Variants in DGKB observed in about 807,000 individuals in gnomAD.
The protein encoded by DGKB is 90 kDa diacylglycerol kinase.
DGKB carries 67 observed loss-of-function variants against 114.3 expected under a neutral mutation model. The observed-to-expected ratio is 0.59, with a 90% CI of 0.48 to 0.72. The LOEUF (loss-of-function observed/expected upper bound fraction) is 0.72. Among genes scored for constraint, DGKB ranks in the 30% least tolerant of loss-of-function variants. DGKB has a pLI of 0.00. For synonymous variants in DGKB, 398 were observed against 323.1 expected (o/e 1.23, Z -2.49); for missense variants, 907 against 975.2 (o/e 0.93, Z 0.93).
chr7:14,617,804 T>G (rs899333882), intron 15 of DGKB, among the ~76,000 whole-genome samples: 1 of 151,606 alleles, frequency 6.6e-6, no homozygotes, highest in Non-Finnish European at 1.5e-5. Context: ...TATATCCAAA[T>G]GACCAACTGC....
At position 14,583,156 on chromosome 7, in the gene DGKB, A is replaced by T. The variant is rs1333656047; in HGVS notation, c.1434-19T>A. 15 of 1,460,254 alleles carry T rather than the reference A, an allele frequency of 1.0e-5. No homozygotes were observed. In the East Asian group the frequency reaches 3.4e-4, roughly 33 times the overall value. The allele number at this position is 1,460,254 out of a possible 1,614,324, so 90.5% of individuals were successfully genotyped here. On this transcript the variant is annotated intron_variant, in intron 17 of 25. Coordinates refer to ENST00000402815, the MANE Select transcript of DGKB (RefSeq NM_001350709.2). ...GTTTAACCTGAAAAATAAGCATGTTATGGCACATGATTAATAGTTTAAAAA... is the reference window on the plus strand; with the variant it reads ...GTTTAACCTGAAAAATAAGCATGTTTTGGCACATGATTAATAGTTTAAAAA...
chr7:14,308,793 G>T (rs1184668784), intron 23 of DGKB, among the ~76,000 whole-genome samples: 2 of 152,146 alleles, frequency 1.3e-5, no homozygotes, highest in Admixed American at 6.5e-5. Flanking sequence ...ATAGAATGAG[G>T]TCTCCTTTGT....
chr7:14,374,755 A>T (rs544291722), intron 21 of DGKB, among the ~76,000 whole-genome samples: 2 of 152,176 alleles, frequency 1.3e-5, no homozygotes, highest in African/African-American at 4.8e-5. Flanking sequence ...TTGGGCAGAT[A>T]CCTCTTTGTT....
intron 1 of DGKB, among the ~76,000 whole-genome samples, chr7:14,941,908 A>G (rs1366992416): frequency 6.6e-6 from 1 of 152,076 alleles, no homozygotes; most frequent in Non-Finnish European, 1.5e-5. Flanking sequence ...AACCTTTAGT[A>G]ACAGTTAATT....
intron 14 of DGKB, among the ~76,000 whole-genome samples, chr7:14,627,224 G>A (rs1054152703): frequency 2.6e-5 from 4 of 152,088 alleles, no homozygotes; most frequent in African/African-American, 9.7e-5. Flanking sequence ...AGTCACCATA[G>A]CTGAGAATAA....
chr7:14,755,636 G>A (rs558647779), intron 3 of DGKB, among the ~76,000 whole-genome samples: 61 of 152,186 alleles, frequency 4.0e-4, no homozygotes, highest in Admixed American at 1.1e-3. Context: ...TATTGTAAGA[G>A]TAATTTTTTA....
intron 2 of DGKB, among the ~76,000 whole-genome samples, chr7:14,832,845 C>A (rs1043061977): frequency 3.3e-5 from 5 of 152,088 alleles, no homozygotes; most frequent in African/African-American, 1.2e-4. Context: ...TGCAAAGGCA[C>A]ACCCATTCTA....
In DGKB at chr7:14,553,061, T is replaced by C. The variant is rs374508668; in HGVS notation, c.1770+21151A>G. On this transcript the variant is annotated intron_variant, in intron 20 of 25. Coordinates refer to ENST00000402815, the MANE Select transcript of DGKB (RefSeq NM_001350709.2). ...ATAAAGTCAAATGTTAAGAAGCAAATGGGAAGAACAATACATGAACCAGAA... is the reference window on the plus strand; with the variant it reads ...ATAAAGTCAAATGTTAAGAAGCAAACGGGAAGAACAATACATGAACCAGAA... 5.9e-5 allele frequency among the ~76,000 whole-genome samples: 9 copies of C among 152,260 alleles called. 1 individual carries two copies. In the East Asian group the frequency reaches 1.2e-3, roughly 20 times the overall value.
intron 15 of DGKB, among the ~76,000 whole-genome samples, chr7:14,619,988 A>G (rs546407141): frequency 1.3e-5 from 2 of 151,662 alleles, no homozygotes; most frequent in South Asian, 2.1e-4. Flanking sequence ...AGGAACCCAG[A>G]GTAGCTGAAG....
intron 1 of DGKB, among the ~76,000 whole-genome samples, chr7:14,893,280 T>C (rs1351904906): frequency 6.6e-6 from 1 of 151,282 alleles, no homozygotes; most frequent in Non-Finnish European, 1.5e-5. Flanking sequence ...AATGAGTATG[T>C]TTTAGTTCTC....
chr7:14,359,619 A>G (rs1358480537), intron 21 of DGKB, among the ~76,000 whole-genome samples: 3 of 152,216 alleles, frequency 2.0e-5, no homozygotes, highest in Non-Finnish European at 2.9e-5. Flanking sequence ...GAAATTTTCA[A>G]GATAAAAAGC....
At chr7:14,500,428 G>A (rs1785976526) in intron 20 of DGKB, among the ~76,000 whole-genome samples, 1 of 151,010 alleles carries the variant, frequency 6.6e-6, no homozygotes, top group Admixed American at 6.6e-5. Flanking sequence ...TAGTACTGGA[G>A]TAAGGGTTTA....
chr7:14,481,190 T>A (rs1020213440), intron 20 of DGKB, among the ~76,000 whole-genome samples: 1 of 151,988 alleles, frequency 6.6e-6, no homozygotes, highest in South Asian at 2.1e-4. Flanking sequence ...ATTAGCCATA[T>A]GTGTCTCAAA....
chr7:14,311,381 A>G (rs943180647), intron 23 of DGKB, among the ~76,000 whole-genome samples: 1 of 152,144 alleles, frequency 6.6e-6, no homozygotes, highest in African/African-American at 2.4e-5. Flanking sequence ...TTCTATATGT[A>G]ACAGCCATCA....
intron 23 of DGKB, among the ~76,000 whole-genome samples, chr7:14,225,413 C>T (rs1298508570): frequency 1.3e-5 from 2 of 151,952 alleles, no homozygotes; most frequent in Non-Finnish European, 2.9e-5. Flanking sequence ...AGATTTGTTG[C>T]CCCTAAGACC....
In DGKB at chr7:14,451,955, A is replaced by C. The variant is rs553002942; in HGVS notation, c.1835+26206T>G. ...TTTAATATTTTACTGCTTGTATTAA[A>C]GTTGTTATTGCTAACATATTCCTAA... On this transcript the variant is annotated intron_variant, in intron 21 of 25. Coordinates refer to ENST00000402815, the MANE Select transcript of DGKB (RefSeq NM_001350709.2). Among the ~76,000 whole-genome samples, 228 of 152,252 alleles carry C rather than the reference A, an allele frequency of 1.5e-3. 1 individual carries two copies. The highest frequency in any genetic ancestry group is 5.1e-3 in the African/African-American group (214 of 41,564).
At chr7:14,495,149 A>G (rs1315555801) in intron 20 of DGKB, among the ~76,000 whole-genome samples, 1 of 151,884 alleles carries the variant, frequency 6.6e-6, no homozygotes. Flanking sequence ...CACTGAATTC[A>G]GAGACAAATC....
At chr7:14,592,227 T>C (rs1801824356) in intron 17 of DGKB, among the ~76,000 whole-genome samples, 2 of 151,928 alleles carry the variant, frequency 1.3e-5, no homozygotes, top group Non-Finnish European at 1.5e-5. Flanking sequence ...TTATACATAT[T>C]TACATCTCTT....
Position 14,701,730 on chromosome 7 carries a change from A to G in DGKB, c.467T>C (p.Phe156Ser). 4.4e-6 allele frequency: 7 copies of G among 1,607,174 alleles called. No individual in the cohort carries two copies. Among genetic ancestry groups the G allele is most frequent in the African/African-American group, 1.3e-5 (1 of 74,926 alleles). Residue 156 changes from phenylalanine to serine, a missense_variant and splice_region_variant, in exon 7 of 26, where the codon TTT (phenylalanine) becomes TCT (serine). Coordinates refer to ENST00000402815, the MANE Select transcript of DGKB (RefSeq NM_001350709.2). ...ERGRPEDKLE[F>S]MFRLYDTDGN... is the part of the protein sequence containing the mutation. ...ATCCGTGTCATAAAGGCGAAACATA[A>G]CTAGAATGAAAGAGGTGTTGAAAAC...
Sources: gnomAD v4.1 joint callset for allele counts (sites outside exome capture counted in the v4.1 genomes callset) on GRCh38, gnomAD v4.1.1 for gene constraint, MANE v1.5 for transcripts, NCBI Gene and HGNC (gene_info 2026-07-23, HGNC 2026-07-21) for gene names.